Variants in MMEL1 observed in about 807,000 individuals in gnomAD.
MMEL1 encodes the protein membrane metallo-endopeptidase-like 1.
In MMEL1, 98 loss-of-function variants were observed where a neutral mutation model predicts 117.1. The observed-to-expected ratio is 0.84, with a 90% confidence interval of 0.71 to 0.99. The LOEUF (loss-of-function observed/expected upper bound fraction) is 0.99, where lower values mean the gene tolerates loss of function less well. Ranked by LOEUF, MMEL1 falls within the 50% of genes least tolerant of loss-of-function variation. The pLI is 0.00. For synonymous variants in MMEL1, 390 were observed against 415.1 expected, an observed-to-expected ratio of 0.94 and a Z score of 0.74; for missense variants, 1,014 against 1,049.1, an observed-to-expected ratio of 0.97 and a Z score of 0.46.
intron 4 of MMEL1, among the ~76,000 whole-genome samples, chr1:2,610,331 G>C (rs1207914154): frequency 2.6e-5 from 4 of 152,202 alleles, no homozygotes; most frequent in African/African-American, 7.2e-5. Context: ...TGAGTCGGCT[G>C]GGTTTTCACT....
rs779708331 is a variant in MMEL1, at chr1:2,592,872, C to T, written c.1962G>A (p.Gln654=). The T allele has an allele frequency of 6.2e-7, 1 of 1,613,806 alleles. No individual in the cohort carries two copies. Among genetic ancestry groups the T allele is most frequent in the South Asian group, 1.1e-5 (1 of 91,070 alleles). ...CCAGGTCCCAGGAGTAGTTGCCGTA[C>T]TGGTAGATCATGCACTCTGACTGCT... ...FREQSECMIY[Q]YGNYSWDLAD... is the part of the protein sequence containing the mutation. Residue 654 remains glutamine, a synonymous_variant, in exon 20 of 24, where the codon CAG becomes CAA. Coordinates refer to ENST00000378412, the MANE Select transcript of MMEL1 (RefSeq NM_033467.4).
intron 10 of MMEL1, 28 bp downstream of exon 10, chr1:2,604,119 C>CCCG: frequency 5.9e-5 from 89 of 1,510,002 alleles, no homozygotes; most frequent in Non-Finnish European, 7.8e-5. Context: ...ACTCGCTGCC[C>CCCG]GCTCCCCACC....
At chr1:2,594,585 G>A (rs1644800949) in intron 17 of MMEL1, 142 bp from the exon 18 acceptor site, 1 of 1,126,532 alleles carries the variant, frequency 8.9e-7, no homozygotes, top group Non-Finnish European at 1.3e-6. Flanking sequence ...TTCCTTCCTG[G>A]GGTCCCTGAG....
intron 1 of MMEL1, among the ~76,000 whole-genome samples, chr1:2,631,730 C>T (rs1483597053): frequency 2.6e-5 from 4 of 152,256 alleles, no homozygotes; most frequent in Admixed American, 1.3e-4. Flanking sequence ...ACCCCTATCC[C>T]GCCACTGGCT....
chr1:2,606,466 C>A, intron 7 of MMEL1, 100 bp from the exon 8 acceptor site: 1 of 848,992 alleles, frequency 1.2e-6, no homozygotes, highest in Admixed American at 2.2e-5. Context: ...AACTAGGGGG[C>A]CATAGGGTGG....
chr1:2,629,723 G>A (rs960947416), intron 1 of MMEL1: 28 of 496,688 alleles, frequency 5.6e-5, no homozygotes, highest in Middle Eastern at 1.1e-3. Flanking sequence ...ATCTCTGAGT[G>A]CATGGAGGTT....
chr1:2,617,414 G>A (rs1645219950), intron 2 of MMEL1, among the ~76,000 whole-genome samples: 2 of 125,036 alleles, frequency 1.6e-5, no homozygotes, highest in South Asian at 2.8e-4. Context: ...GCGACAGAGA[G>A]AGACTCCGTC....
intron 1 of MMEL1, among the ~76,000 whole-genome samples, chr1:2,630,954 C>T (rs952848936): frequency 4.0e-5 from 6 of 148,904 alleles, no homozygotes; most frequent in Non-Finnish European, 5.9e-5. Flanking sequence ...CACGTGTGTG[C>T]GTGTACGCTC....
Position 2,595,309 on chromosome 1 carries a change from C to T in MMEL1, c.1551G>A (p.Glu517=). The T allele has an allele frequency of 6.2e-7, 1 of 1,613,856 alleles. No individual in the cohort carries two copies. Among genetic ancestry groups the T allele is most frequent in the Non-Finnish European group, 8.5e-7 (1 of 1,179,988 alleles). Residue 517 remains glutamate, a synonymous_variant, in exon 16 of 24, where the codon GAG becomes GAA. Coordinates refer to ENST00000378412, the MANE Select transcript of MMEL1 (RefSeq NM_033467.4). The surrounding 1 kb of genome is among the most constrained non-coding windows in gnomAD (Gnocchi z 4.8). The part of the protein sequence containing the change: ...QIGHPDYILE[E]MNRRLDEEYS... ...ACTCCTCGTCCAGGCGCCTGTTCAT[C>T]TCCTCCAGGATGTAGTCAGGGTGCC...
intron 2 of MMEL1, among the ~76,000 whole-genome samples, chr1:2,616,638 G>C (rs546045573): frequency 6.6e-6 from 1 of 152,212 alleles, no homozygotes; most frequent in East Asian, 1.9e-4. Context: ...GAAGGGACAC[G>C]AAACCAGTGG....
At chr1:2,594,358 G>T in intron 18 of MMEL1, 27 bp downstream of exon 18, 1 of 1,550,118 alleles carries the variant, frequency 6.5e-7, no homozygotes, top group African/African-American at 1.4e-5. Context: ...AAAGGGCCTG[G>T]GCAGGCAGGG....
chr1:2,630,447 C>T (rs955789466), intron 1 of MMEL1, among the ~76,000 whole-genome samples: 3 of 152,004 alleles, frequency 2.0e-5, no homozygotes, highest in Non-Finnish European at 4.4e-5. Flanking sequence ...TGAGCGTGAA[C>T]GTGTGTGTGC....
chr1:2,605,512 G>A (rs1645008153), intron 9 of MMEL1, 46 bp downstream of exon 9: 1 of 1,559,962 alleles, frequency 6.4e-7, no homozygotes, highest in Non-Finnish European at 8.8e-7. Context: ...CACGGGGTAG[G>A]GGGTGATGGG....
chr1:2,596,070 A>G lies in MMEL1; in HGVS notation c.1439T>C (p.Val480Ala), dbSNP rs1477752401. 6.2e-7 allele frequency: 1 copy of G among 1,613,918 alleles called. No homozygotes were observed. The highest frequency in any genetic ancestry group is 1.1e-5 in the South Asian group (1 of 91,082). The change falls in exon 15 of 24, where the codon GTG becomes GCG. Residue 480 changes from valine (V) to alanine (A), a missense_variant. Physicochemically the swap from Val to Ala is moderately conservative, Grantham distance 64 (BLOSUM62 0). Coordinates refer to ENST00000378412, the MANE Select transcript of MMEL1 (RefSeq NM_033467.4). ...ELIDKVRTVF[V>A]ETLDELGWMD... ...CCAGCCCAGCTCGTCCAGCGTCTCC[A>G]CAAACACTGTCCGCACCTTGTCAAT...
chr1:2,591,875 C>A, intron 22 of MMEL1, 57 bp downstream of exon 22: 1 of 1,538,504 alleles, frequency 6.5e-7, no homozygotes, highest in Non-Finnish European at 9.0e-7. Flanking sequence ...CAGAGTGGGC[C>A]CTCCAGAGAT....
chr1:2,622,607 G>A (rs781003219), intron 2 of MMEL1, among the ~76,000 whole-genome samples: 2 of 152,074 alleles, frequency 1.3e-5, no homozygotes, highest in South Asian at 2.1e-4. Context: ...ATTCTTGGCC[G>A]GGCGCGGTGG....
intron 2 of MMEL1, among the ~76,000 whole-genome samples, chr1:2,621,572 A>ATT (rs76715186): frequency 0.02 from 2,959 of 145,890 alleles, 97 homozygotes; most frequent in African/African-American, 0.064. Flanking sequence ...ACCAATGCAC[A>ATT]TTTTTTTTTT....
At chr1:2,592,422 GCGCCCCCTCCCCTGCCATGCTGA>G (rs1644744439) in intron 21 of MMEL1, among the ~76,000 whole-genome samples, 1 of 24,636 alleles carries the variant, frequency 4.1e-5, no homozygotes, top group Non-Finnish European at 6.0e-5. Context: ...TGATGCACTG[GCGCCCCCTCCCCTGCCATGCTGA>G]CGCCCCCTCC....
At chr1:2,611,211 C>T in intron 4 of MMEL1, 70 bp downstream of exon 4, 1 of 1,457,394 alleles carries the variant, frequency 6.9e-7, no homozygotes, top group Non-Finnish European at 9.4e-7. Context: ...TTGGGCGGGG[C>T]CTACGTCAGT....
Sources: gnomAD v4.1 joint callset for allele counts (sites outside exome capture counted in the v4.1 genomes callset) on GRCh38, gnomAD v4.1.1 for gene constraint, Gnocchi (gnomAD v3.1) non-coding constraint, MANE v1.5 for transcripts, NCBI Gene and HGNC (gene_info 2026-07-23, HGNC 2026-07-21) for gene names.